The following TMCC1 variants were observed in gnomAD, a reference collection of about 807,000 sequenced individuals.
The protein encoded by TMCC1 is transmembrane and coiled-coil domains protein 1.
Under a neutral mutation model 52.4 loss-of-function variants are expected in TMCC1, and 15 were observed. The observed-to-expected ratio is 0.29, with a 90% CI of 0.19 to 0.44. The LOEUF (loss-of-function observed/expected upper bound fraction) is 0.44, where lower values mean the gene tolerates loss of function less well. TMCC1 is among the 20% of genes least tolerant of loss of function. TMCC1 has a pLI of 1.00. For missense variants in TMCC1, 503 were observed against 806.0 expected (o/e 0.62, Z 4.55); for synonymous variants, 279 against 301.9 (o/e 0.92, Z 0.79).
chr3:129,664,265 CAT>C (rs2087272656), intron 5 of TMCC1, among the ~76,000 whole-genome samples: 1 of 152,198 alleles, frequency 6.6e-6, no homozygotes, highest in South Asian at 2.1e-4. Flanking sequence ...AGGTCTCACA[CAT>C]AGAATAAAGG....
intron 4 of TMCC1, among the ~76,000 whole-genome samples, chr3:129,765,873 G>A (rs2054082140): frequency 6.6e-6 from 1 of 151,994 alleles, no homozygotes; most frequent in Admixed American, 6.6e-5. Context: ...TCTAAAACTG[G>A]GAAGAGGAGG....
chr3:129,731,812 A>G (rs1451512713), intron 4 of TMCC1, among the ~76,000 whole-genome samples: 1 of 151,860 alleles, frequency 6.6e-6, no homozygotes, highest in Non-Finnish European at 1.5e-5. Context: ...TTTGGTAGAG[A>G]CAGGGTTTTG....
At chr3:129,808,186 T>C (rs868318479) in intron 4 of TMCC1, among the ~76,000 whole-genome samples, 8 of 151,586 alleles carry the variant, frequency 5.3e-5, no homozygotes, top group Non-Finnish European at 1.0e-4. Context: ...TGTCTAAAAA[T>C]ATATATATAA....
At chr3:129,811,419 C>T (rs1222230010) in intron 4 of TMCC1, among the ~76,000 whole-genome samples, 2 of 151,990 alleles carry the variant, frequency 1.3e-5, no homozygotes, top group African/African-American at 4.8e-5. Context: ...TGTGTGCCAC[C>T]ACACCTGGCT....
At chr3:129,747,052 C>T (rs1193037825) in intron 4 of TMCC1, among the ~76,000 whole-genome samples, 1 of 152,112 alleles carries the variant, frequency 6.6e-6, no homozygotes, top group Admixed American at 6.5e-5. Context: ...TTCTTCTAGG[C>T]ATTAAAAGGT....
At chr3:129,781,779 T>C (rs1269923428) in intron 4 of TMCC1, among the ~76,000 whole-genome samples, 2 of 152,168 alleles carry the variant, frequency 1.3e-5, no homozygotes, top group Non-Finnish European at 2.9e-5. Context: ...TTAAGTTTTA[T>C]TAGTATCACT....
At chr3:129,685,971 T>G (rs1376156246) in intron 4 of TMCC1, among the ~76,000 whole-genome samples, 1 of 152,148 alleles carries the variant, frequency 6.6e-6, no homozygotes, top group African/African-American at 2.4e-5. Flanking sequence ...CCAATCAATT[T>G]TACTTTCCAA....
intron 6 of TMCC1, 91 bp downstream of exon 6, chr3:129,654,877 C>G: frequency 3.3e-6 from 5 of 1,506,560 alleles, no homozygotes; most frequent in Non-Finnish European, 3.6e-6. Context: ...TCTTTGTTCT[C>G]TACCTTCTCA....
At chr3:129,853,627 C>T (rs1314670544) in intron 2 of TMCC1, among the ~76,000 whole-genome samples, 1 of 140,138 alleles carries the variant, frequency 7.1e-6, no homozygotes, top group Non-Finnish European at 1.5e-5. Flanking sequence ...AATATGCACA[C>T]CCCACCTCAA....
rs368194463 is a variant in TMCC1 at position 129,767,852 on chromosome 3, A to C, written c.576+59951T>G. Among the ~76,000 whole-genome samples the C allele has an allele frequency of 4.6e-5, 7 of 152,358 alleles. No homozygotes were observed. In the East Asian group the frequency reaches 1.3e-3, roughly 29 times the overall value. On this transcript the variant is annotated intron_variant, in intron 4 of 6. Coordinates refer to ENST00000393238, the MANE Select transcript of TMCC1 (RefSeq NM_001017395.5). ...CATTTGAATGCTTTACTAAAGGGAA[A>C]CATTCTTTTGCAAAGTAAATAATCA...
At chr3:129,693,915 T>C (rs2047206060) in intron 4 of TMCC1, among the ~76,000 whole-genome samples, 1 of 152,216 alleles carries the variant, frequency 6.6e-6, no homozygotes, top group Non-Finnish European at 1.5e-5. Context: ...TTTGTAACTG[T>C]ATATACTGGA....
Position 129,671,052 on chromosome 3 carries a change from C to T in TMCC1, c.789G>A (p.Leu263=). 1 of 1,614,208 alleles carries T rather than the reference C, an allele frequency of 6.2e-7. No individual in the cohort carries two copies. Among genetic ancestry groups the T allele is most frequent in the Non-Finnish European group, 8.5e-7 (1 of 1,180,040 alleles). Reference sequence around the variant, plus strand: ...GTTTGTCTGCACTGTTGGCAAGCTTCAAGTATTCAGCAACGTTGTCGTCCC... The same window carrying T: ...GTTTGTCTGCACTGTTGGCAAGCTTTAAGTATTCAGCAACGTTGTCGTCCC... The part of the protein sequence containing the change: ...TARDDNVAEY[L]KLANSADKQQ... Residue 263 remains leucine, a synonymous_variant, in exon 5 of 7, where the codon TTG becomes TTA. Transcript: ENST00000393238.
intron 4 of TMCC1, among the ~76,000 whole-genome samples, chr3:129,698,715 G>T (rs1483602968): frequency 6.6e-6 from 1 of 152,046 alleles, no homozygotes; most frequent in African/African-American, 2.4e-5. Context: ...AAAGCCCTCT[G>T]CCTATTTTCT....
chr3:129,831,180 C>A (rs376514356), intron 3 of TMCC1, among the ~76,000 whole-genome samples: 1 of 152,060 alleles, frequency 6.6e-6, no homozygotes, highest in Non-Finnish European at 1.5e-5. Context: ...GTGATCCAAC[C>A]GCCTCAGCCT....
intron 4 of TMCC1, among the ~76,000 whole-genome samples, chr3:129,750,220 T>C (rs2052369623): frequency 6.6e-6 from 1 of 152,192 alleles, no homozygotes; most frequent in Non-Finnish European, 1.5e-5. Flanking sequence ...GACAAAGTTT[T>C]GCTCTTGTTG....
chr3:129,758,383 G>A (rs1417570245), intron 4 of TMCC1, among the ~76,000 whole-genome samples: 3 of 152,264 alleles, frequency 2.0e-5, no homozygotes, highest in East Asian at 1.9e-4. Context: ...ACAGATGTGC[G>A]CATATGTGAG....
chr3:129,707,675 TG>T (rs2108988583), intron 4 of TMCC1, among the ~76,000 whole-genome samples: 2 of 152,336 alleles, frequency 1.3e-5, no homozygotes, highest in Non-Finnish European at 2.9e-5. Context: ...GGCTCACGCC[TG>T]TAATCCCAGC....
At chr3:129,814,362 G>GT (rs1315069365) in intron 4 of TMCC1, among the ~76,000 whole-genome samples, 1 of 151,940 alleles carries the variant, frequency 6.6e-6, no homozygotes, top group African/African-American at 2.4e-5. Flanking sequence ...TGTTATGTTT[G>GT]TTGTAAGCCT....
intron 2 of TMCC1, among the ~76,000 whole-genome samples, chr3:129,839,034 A>AG (rs1449774897): frequency 6.6e-6 from 1 of 152,188 alleles, no homozygotes; most frequent in Non-Finnish European, 1.5e-5. Context: ...AAGCAAAAAT[A>AG]GAGAATTCAC....
Sources: allele counts gnomAD v4.1 joint callset (sites outside exome capture counted in the v4.1 genomes callset), GRCh38; gene constraint gnomAD v4.1.1; transcripts MANE v1.5; gene names NCBI Gene and HGNC (gene_info 2026-07-23, HGNC 2026-07-21).